FREM1: variants seen among roughly 807,000 people sequenced by gnomAD.
FREM1 encodes FRAS1 related extracellular matrix 1.
In FREM1, 220 loss-of-function variants were observed where a neutral mutation model predicts 210.1. The observed-to-expected ratio is 1.05, with a 90% CI of 0.94 to 1.17. FREM1 has a LOEUF of 1.17. Ranked by LOEUF, FREM1 falls within the 50% of genes most tolerant of loss-of-function variation. The pLI, the probability that FREM1 is intolerant of heterozygous loss-of-function variation, is 0.00. For missense variants in FREM1, 3,454 were observed against 2,675.5 expected (o/e 1.29, Z -6.42); for synonymous variants, 1,189 against 980.2 (o/e 1.21, Z -3.98).
chr9:14,904,516 G>C (rs1050606065), intron 1 of FREM1, among the ~76,000 whole-genome samples: 6 of 152,188 alleles, frequency 3.9e-5, no homozygotes, highest in African/African-American at 1.2e-4. Context: ...ATGGAAAAGA[G>C]CAGATCTGCT....
chr9:14,737,760 A>G (rs896984113), intron 36 of FREM1, among the ~76,000 whole-genome samples, 165 bp from the exon 37 acceptor site: 18 of 152,176 alleles, frequency 1.2e-4, no homozygotes, highest in African/African-American at 4.3e-4. Context: ...GGTCAAACAA[A>G]TCCCAGTCCA....
At chr9:14,794,541 G>C (rs1375123404) in intron 21 of FREM1, among the ~76,000 whole-genome samples, 3 of 152,182 alleles carry the variant, frequency 2.0e-5, no homozygotes, top group Admixed American at 6.6e-5. Flanking sequence ...AATCAGAGAT[G>C]GGCTGAGGGG....
Position 14,799,057 on chromosome 9 carries a change from T to C in FREM1, c.3695-1415A>G, listed in dbSNP as rs558424688. ...ACTTTGGAAGGCGAGTGCAGGAAAA[T>C]CACTTGAGCCCAGGAGTTCGAGACC... On this transcript the variant is annotated intron_variant, in intron 20 of 36. Transcript: ENST00000380880. Among the ~76,000 whole-genome samples, 3 of 151,788 alleles carry C rather than the reference T, an allele frequency of 2.0e-5. No homozygotes were observed. In the South Asian group the frequency reaches 6.3e-4, roughly 32 times the overall value.
chr9:14,867,349 A>C (rs750605710), intron 2 of FREM1, among the ~76,000 whole-genome samples: 9 of 152,224 alleles, frequency 5.9e-5, no homozygotes, highest in Non-Finnish European at 1.3e-4. Context: ...ATTGGGAGTA[A>C]CTGAGGAGAC....
intron 31 of FREM1, among the ~76,000 whole-genome samples, chr9:14,748,092 C>T (rs992092146): frequency 3.3e-5 from 5 of 152,200 alleles, no homozygotes; most frequent in African/African-American, 9.7e-5. Context: ...CACACCCAAT[C>T]GCATCATTTC....
chr9:14,857,485 G>T (rs75513240), intron 5 of FREM1, 68 bp downstream of exon 5: 1 of 1,323,876 alleles, frequency 7.6e-7, no homozygotes, highest in Non-Finnish European at 1.1e-6. Context: ...GCGAGCATGA[G>T]TAAGCCTGTG....
chr9:14,831,527 C>T (rs1823555037), intron 10 of FREM1, among the ~76,000 whole-genome samples: 1 of 152,226 alleles, frequency 6.6e-6, no homozygotes, highest in African/African-American at 2.4e-5. Flanking sequence ...TTGGTTCCTA[C>T]ATTCCTTTAA....
chr9:14,881,784 C>T (rs1423387613), intron 1 of FREM1, among the ~76,000 whole-genome samples: 1 of 152,212 alleles, frequency 6.6e-6, no homozygotes, highest in African/African-American at 2.4e-5. Context: ...TTGTAGCTAT[C>T]TGCGGCTATG....
At chr9:14,789,687 A>G (rs183006796) in intron 22 of FREM1, among the ~76,000 whole-genome samples, 59 of 152,326 alleles carry the variant, frequency 3.9e-4, no homozygotes, top group African/African-American at 1.4e-3. Flanking sequence ...CTAAGTCATC[A>G]AAAAATATAA....
At chr9:14,812,367 A>G (rs79456096) in intron 16 of FREM1, among the ~76,000 whole-genome samples, 1,635 of 152,306 alleles carry the variant, frequency 0.011, 11 homozygotes, top group Non-Finnish European at 0.019. Context: ...CATTATCGTT[A>G]CTTTTCAGGA....
At chr9:14,888,876 G>A (rs777218420) in intron 1 of FREM1, among the ~76,000 whole-genome samples, 11 of 152,048 alleles carry the variant, frequency 7.2e-5, no homozygotes, top group South Asian at 4.1e-4. Context: ...TGAAAGAAAG[G>A]CATGCTCATT....
intron 1 of FREM1, among the ~76,000 whole-genome samples, chr9:14,898,752 A>G (rs1009603440): frequency 6.6e-6 from 1 of 152,228 alleles, no homozygotes; most frequent in Non-Finnish European, 1.5e-5. Flanking sequence ...CAAAACAAAA[A>G]CAAAACATAG....
At chr9:14,746,501 T>C (rs757993054) in intron 34 of FREM1, 33 bp from the exon 35 acceptor site, 23 of 1,536,984 alleles carry the variant, frequency 1.5e-5, no homozygotes, top group Middle Eastern at 1.7e-4. Flanking sequence ...CATATCATAA[T>C]GGTCTTTACA....
At chr9:14,815,362 T>C (rs1018780610) in intron 15 of FREM1, among the ~76,000 whole-genome samples, 2 of 152,228 alleles carry the variant, frequency 1.3e-5, no homozygotes, top group Admixed American at 6.5e-5. Flanking sequence ...CTTAAAATTA[T>C]AGATGTGAAC....
intron 13 of FREM1, among the ~76,000 whole-genome samples, chr9:14,820,578 C>T (rs1588164486): frequency 6.6e-6 from 1 of 152,232 alleles, no homozygotes; most frequent in African/African-American, 2.4e-5. Flanking sequence ...TCCTTCTGGA[C>T]ACCACGGCAC....
At chr9:14,844,169 AT>A (rs1826185208) in intron 8 of FREM1, among the ~76,000 whole-genome samples, 1 of 151,420 alleles carries the variant, frequency 6.6e-6, no homozygotes, top group Admixed American at 6.6e-5. Context: ...TCTCCATTTC[AT>A]TGCTGTAGTA....
Position 14,838,202 on chromosome 9 carries a change from G to A in FREM1, c.1881+3245C>T, listed in dbSNP as rs536851590. 4.6e-5 allele frequency among the ~76,000 whole-genome samples: 7 copies of A among 152,254 alleles called. 1 individual carries two copies. In the South Asian group the frequency reaches 1.5e-3, roughly 32 times the overall value. On this transcript the variant is annotated intron_variant, in intron 10 of 36. Transcript: ENST00000380880. Reference sequence around the variant, plus strand: ...AATGCCATTGTTGTAGACAAAATTGGCATTGCTCATCTGTACTTCCATTAC... The same window carrying A: ...AATGCCATTGTTGTAGACAAAATTGACATTGCTCATCTGTACTTCCATTAC...
chr9:14,877,224 G>T lies in FREM1; in HGVS notation c.-267-7980C>A, dbSNP rs1022248889. 2.6e-5 allele frequency among the ~76,000 whole-genome samples: 4 copies of T among 151,820 alleles called. No homozygotes were observed. The South Asian group carries it at 8.3e-4, about 32-fold the overall frequency. Reference sequence around the variant, plus strand: ...AATGGACCTCAAACTTACACCTCTAGCCTGGACCCTCTTGCTTAACTCTAG... The same window carrying T: ...AATGGACCTCAAACTTACACCTCTATCCTGGACCCTCTTGCTTAACTCTAG... On this transcript the variant is annotated intron_variant, in intron 1 of 36. Coordinates refer to ENST00000380880, the MANE Select transcript of FREM1 (RefSeq NM_001379081.2).
intron 27 of FREM1, 42 bp from the exon 28 acceptor site, chr9:14,759,943 A>G: frequency 6.5e-7 from 1 of 1,539,914 alleles, no homozygotes; most frequent in Non-Finnish European, 8.9e-7. Flanking sequence ...AATGCATAGT[A>G]TATGCCTATA....
Sources: allele counts gnomAD v4.1 joint callset (sites outside exome capture counted in the v4.1 genomes callset), GRCh38; gene constraint gnomAD v4.1.1; transcripts MANE v1.5; gene names NCBI Gene and HGNC (gene_info 2026-07-23, HGNC 2026-07-21).